The following NCKAP5 variants were observed in gnomAD, a reference collection of about 807,000 sequenced individuals.
NCKAP5 encodes nck-associated protein 5.
NCKAP5 carries 92 observed loss-of-function variants against 167.0 expected under a neutral mutation model. The ratio of observed to expected loss-of-function variants is 0.55; its 90% CI spans 0.47 to 0.66. NCKAP5 has a LOEUF of 0.66. Among genes scored for constraint, NCKAP5 ranks in the 30% least tolerant of loss-of-function variants. The pLI, the probability that NCKAP5 is intolerant of heterozygous loss-of-function variation, is 0.00. For synonymous variants in NCKAP5, 891 were observed against 877.4 expected (o/e 1.02, Z -0.27); for missense variants, 2,378 against 2,315.0 (o/e 1.03, Z -0.56).
At chr2:133,282,765 T>TA (rs1186214875) in intron 4 of NCKAP5, among the ~76,000 whole-genome samples, 17 of 152,188 alleles carry the variant, frequency 1.1e-4, no homozygotes, top group Non-Finnish European at 1.0e-4. Flanking sequence ...GAGCTACGGC[T>TA]ACAAAGAAGA....
At chr2:133,078,234 C>G (rs572614160) in intron 6 of NCKAP5, among the ~76,000 whole-genome samples, 3 of 152,090 alleles carry the variant, frequency 2.0e-5, no homozygotes, top group Non-Finnish European at 4.4e-5. Context: ...CAAGTCAGGA[C>G]ACATAAATAA....
At chr2:133,523,028 C>G (rs917886288) in intron 2 of NCKAP5, among the ~76,000 whole-genome samples, 2 of 152,006 alleles carry the variant, frequency 1.3e-5, no homozygotes, top group African/African-American at 4.8e-5. Context: ...TCCCTTCCCC[C>G]TCACATACAC....
chr2:133,164,726 C>T (rs1218950935), intron 5 of NCKAP5, among the ~76,000 whole-genome samples: 1 of 152,100 alleles, frequency 6.6e-6, no homozygotes, highest in Non-Finnish European at 1.5e-5. Flanking sequence ...GTTCTTAAAC[C>T]CCTATCCTTC....
At chr2:133,574,141 AT>A in the NCKAP5 span, among the ~76,000 whole-genome samples, 74,814 of 151,894 alleles carry the variant, frequency 0.49, 19,265 homozygotes, top group South Asian at 0.58. Flanking sequence ...AAGGAAGAGG[AT>A]GGGGACAGCC....
chr2:133,286,892 A>G (rs1679182515), intron 4 of NCKAP5, among the ~76,000 whole-genome samples: 1 of 152,228 alleles, frequency 6.6e-6, no homozygotes, highest in Non-Finnish European at 1.5e-5. Context: ...GGAGCTACTG[A>G]TGACAGCATT....
chr2:133,341,996 C>T (rs942649297), intron 3 of NCKAP5, among the ~76,000 whole-genome samples: 56 of 152,084 alleles, frequency 3.7e-4, no homozygotes, highest in African/African-American at 4.8e-4. Context: ...TGGAGTGCAG[C>T]GGTGCGATCT....
intron 8 of NCKAP5, among the ~76,000 whole-genome samples, chr2:132,949,315 GAACAA>G (rs1327502689): frequency 1.4e-4 from 22 of 152,160 alleles, no homozygotes; most frequent in Non-Finnish European, 2.9e-5. Context: ...TAGAGACAGT[GAACAA>G]CTCACTCGTG....
intron 8 of NCKAP5, among the ~76,000 whole-genome samples, chr2:132,906,708 A>G (rs1694034788): frequency 1.3e-5 from 2 of 152,190 alleles, no homozygotes; most frequent in Admixed American, 1.3e-4. Flanking sequence ...GGAAAGGGAT[A>G]GTGGTGAGGC....
the NCKAP5 span, among the ~76,000 whole-genome samples, chr2:133,599,204 A>T: frequency 6.6e-6 from 1 of 152,248 alleles, no homozygotes; most frequent in Non-Finnish European, 1.5e-5. Flanking sequence ...TAGGGGACAC[A>T]ATTCAACCCA....
At chr2:133,152,027 T>C (rs2083401460) in intron 5 of NCKAP5, among the ~76,000 whole-genome samples, 1 of 152,158 alleles carries the variant, frequency 6.6e-6, no homozygotes, top group African/African-American at 2.4e-5. Flanking sequence ...AATCAAGATG[T>C]TCTTCATTAG....
intron 2 of NCKAP5, among the ~76,000 whole-genome samples, chr2:133,533,665 T>C (rs2104841018): frequency 6.6e-6 from 1 of 152,308 alleles, no homozygotes; most frequent in East Asian, 1.9e-4. Flanking sequence ...TCCTTTTACA[T>C]GAAGTCAAAA....
At chr2:132,975,524 A>G (rs1251682259) in intron 7 of NCKAP5, among the ~76,000 whole-genome samples, 1 of 152,334 alleles carries the variant, frequency 6.6e-6, no homozygotes, top group Admixed American at 6.5e-5. Flanking sequence ...AATAGCCTCA[A>G]TTCTAAAACC....
At chr2:133,114,123 T>A (rs553603573) in intron 6 of NCKAP5, among the ~76,000 whole-genome samples, 3 of 152,278 alleles carry the variant, frequency 2.0e-5, no homozygotes, top group Admixed American at 2.0e-4. Context: ...ATATTAGGAG[T>A]AGGACTGCAT....
At chr2:133,143,021 T>C (rs1281070405) in intron 5 of NCKAP5, among the ~76,000 whole-genome samples, 2 of 152,146 alleles carry the variant, frequency 1.3e-5, no homozygotes, top group African/African-American at 4.8e-5. Flanking sequence ...TTCATCCTTT[T>C]TATATTAGTG....
At chr2:132,914,137 AT>A (rs1159561370) in intron 8 of NCKAP5, among the ~76,000 whole-genome samples, 1 of 152,192 alleles carries the variant, frequency 6.6e-6, no homozygotes, top group Non-Finnish European at 1.5e-5. Context: ...AGTAAGCCAA[AT>A]TTCTTTCAAA....
At chr2:133,561,239 A>G (rs1410013254) in intron 1 of NCKAP5, among the ~76,000 whole-genome samples, 2 of 152,222 alleles carry the variant, frequency 1.3e-5, no homozygotes, top group African/African-American at 4.8e-5. Context: ...ACTTAGTTTA[A>G]CAAGGCCCTC....
chr2:132,987,607 A>G (rs16844917), intron 7 of NCKAP5, among the ~76,000 whole-genome samples: 6,002 of 152,286 alleles, frequency 0.039, 360 homozygotes, highest in African/African-American at 0.14. Context: ...GAAAAAAAAG[A>G]ACATCTTTGG....
intron 3 of NCKAP5, among the ~76,000 whole-genome samples, chr2:133,444,806 G>A (rs772869135): frequency 2.4e-4 from 37 of 152,224 alleles, no homozygotes; most frequent in East Asian, 5.8e-4. Flanking sequence ...TCTGACTAGC[G>A]CTGGCCTTGC....
chr2:133,593,430 GCA>G, the NCKAP5 span, among the ~76,000 whole-genome samples: 3 of 150,418 alleles, frequency 2.0e-5, no homozygotes, highest in African/African-American at 4.9e-5. Context: ...TATCATTACT[GCA>G]CACACACACA....
Sources: gnomAD v4.1 joint callset for allele counts (sites outside exome capture counted in the v4.1 genomes callset) on GRCh38, gnomAD v4.1.1 for gene constraint, MANE v1.5 for transcripts, NCBI Gene and HGNC (gene_info 2026-07-23, HGNC 2026-07-21) for gene names.